RNF150: variants seen among roughly 807,000 people sequenced by gnomAD.
RNF150 encodes the protein ring finger protein 150.
A neutral mutation model predicts 39.3 loss-of-function variants in RNF150; 24 were observed. The observed-to-expected ratio is 0.61, with a 90% CI of 0.44 to 0.86. The LOEUF (loss-of-function observed/expected upper bound fraction) is 0.86, where lower values mean the gene tolerates loss of function less well. Ranked by LOEUF, RNF150 falls within the 40% of genes least tolerant of loss-of-function variation. RNF150 has a pLI of 0.00. For missense variants in RNF150, 502 were observed against 587.8 expected (o/e 0.85, Z 1.51); for synonymous variants, 255 against 227.3 (o/e 1.12, Z -1.10).
intron 1 of RNF150, among the ~76,000 whole-genome samples, chr4:141,185,098 G>C (rs1392475146): frequency 6.6e-6 from 1 of 151,868 alleles, no homozygotes; most frequent in African/African-American, 2.4e-5. Flanking sequence ...GAATAGCATT[G>C]AATCTATAAA....
At chr4:141,097,514 A>G (rs922108612) in intron 1 of RNF150, among the ~76,000 whole-genome samples, 25 of 150,978 alleles carry the variant, frequency 1.7e-4, no homozygotes, top group Admixed American at 1.1e-3. Flanking sequence ...TTTTTTCTTA[A>G]TAATACATCA....
chr4:140,994,469 G>GCA (rs1467257998), intron 1 of RNF150, among the ~76,000 whole-genome samples: 1 of 150,658 alleles, frequency 6.6e-6, no homozygotes. Context: ...GTGTGTGCAC[G>GCA]CACACACACA....
intron 1 of RNF150, among the ~76,000 whole-genome samples, chr4:141,208,166 T>C (rs1286973459): frequency 6.6e-6 from 1 of 152,202 alleles, no homozygotes; most frequent in Non-Finnish European, 1.5e-5. Context: ...AGAAGAATAA[T>C]GGCTTCTTCC....
chr4:140,935,895 T>G (rs1034335076), intron 4 of RNF150, among the ~76,000 whole-genome samples: 1 of 152,200 alleles, frequency 6.6e-6, no homozygotes, highest in African/African-American at 2.4e-5. Context: ...GATGAAGATA[T>G]ACACCATCCT....
At chr4:141,192,900 T>A (rs1460108245) in intron 1 of RNF150, among the ~76,000 whole-genome samples, 4 of 150,594 alleles carry the variant, frequency 2.7e-5, no homozygotes, top group Non-Finnish European at 5.9e-5. Flanking sequence ...CACATGCCAC[T>A]TTTTTCTGGC....
upstream of RNF150, among the ~76,000 whole-genome samples, chr4:141,133,865 T>G (rs1220032378): frequency 6.6e-6 from 1 of 152,122 alleles, no homozygotes; most frequent in East Asian, 1.9e-4. Context: ...TATCAAATCT[T>G]TAGTTTTAAA....
chr4:141,180,055 A>G (rs1727879119), intron 1 of RNF150, among the ~76,000 whole-genome samples: 1 of 152,170 alleles, frequency 6.6e-6, no homozygotes, highest in African/African-American at 2.4e-5. Context: ...ATTCTTCTCC[A>G]AATAACAGAC....
intron 1 of RNF150, among the ~76,000 whole-genome samples, chr4:141,089,871 T>C (rs1398817512): frequency 6.6e-6 from 1 of 152,242 alleles, no homozygotes; most frequent in Non-Finnish European, 1.5e-5. Flanking sequence ...CATAGAGTTC[T>C]GCTCTCAGGC....
intron 1 of RNF150, among the ~76,000 whole-genome samples, chr4:141,125,611 T>TGGTTAAGCAACAATAAC (rs1440885574): frequency 2.1e-4 from 32 of 152,312 alleles, no homozygotes; most frequent in Middle Eastern, 3.4e-3. Flanking sequence ...GCAACAATAA[T>TGGTTAAGCAACAATAAC]GGTTAAGCAA....
At chr4:141,175,026 A>G (rs1183165459) in intron 1 of RNF150, among the ~76,000 whole-genome samples, 1 of 152,196 alleles carries the variant, frequency 6.6e-6, no homozygotes, top group Admixed American at 6.5e-5. Flanking sequence ...TTTCTGTTAG[A>G]TGATGGAAGC....
chr4:141,212,703 G>T (rs1728489772), intron 1 of RNF150: 1 of 152,174 alleles, frequency 6.6e-6, no homozygotes. Flanking sequence ...CAGGGCCTCT[G>T]TCTCCAGCTG....
At chr4:140,947,073 T>C (rs934907242) in intron 4 of RNF150, among the ~76,000 whole-genome samples, 1 of 151,982 alleles carries the variant, frequency 6.6e-6, no homozygotes, top group African/African-American at 2.4e-5. Context: ...TATATAAGAA[T>C]CACCTGGGGA....
At chr4:141,149,326 G>T (rs1054681688) in intron 1 of RNF150, among the ~76,000 whole-genome samples, 2 of 151,782 alleles carry the variant, frequency 1.3e-5, no homozygotes, top group African/African-American at 4.8e-5. Context: ...AGATTTTGGT[G>T]CACCCAGCAC....
In RNF150 at chr4:140,868,287, G is replaced by A; in HGVS notation, c.1291C>T (p.Gln431Ter). ...GLSDVELSTD[Q>*]DCEEVKS ...CAAGATTTCACTTCTTCACAGTCCT[G>A]GTCAGTGGAAAGTTCTACATCAGAC... The change falls in exon 7 of 7, where the codon CAG (glutamine) becomes TAG (stop). Residue 431 changes from glutamine to a stop codon, truncating the protein, a stop_gained. Transcript: ENST00000515673. LOFTEE classifies it high-confidence loss of function. 2.5e-6 allele frequency: 4 copies of A among 1,601,930 alleles called. No individual in the cohort carries two copies. The highest frequency in any genetic ancestry group is 2.6e-6 in the Non-Finnish European group (3 of 1,168,968).
At chr4:141,191,793 GC>G (rs1263826300) in intron 1 of RNF150, among the ~76,000 whole-genome samples, 2 of 152,152 alleles carry the variant, frequency 1.3e-5, no homozygotes, top group African/African-American at 4.8e-5. Flanking sequence ...CTGGCTTTGT[GC>G]CCATTGAAGG....
chr4:141,013,596 A>T (rs1735153704), intron 1 of RNF150, among the ~76,000 whole-genome samples: 2 of 151,878 alleles, frequency 1.3e-5, no homozygotes, highest in South Asian at 4.1e-4. Flanking sequence ...CTCTTTCTTC[A>T]CTCCAGTCTC....
At chr4:141,201,149 T>G (rs1441560998) in intron 1 of RNF150, among the ~76,000 whole-genome samples, 1 of 148,734 alleles carries the variant, frequency 6.7e-6, no homozygotes, top group Non-Finnish European at 1.5e-5. Context: ...GAGACATAGG[T>G]GAAGCAGACG....
chr4:140,886,234 G>C (rs893762859), intron 6 of RNF150, among the ~76,000 whole-genome samples: 2 of 148,302 alleles, frequency 1.3e-5, no homozygotes, highest in African/African-American at 5.0e-5. Context: ...CATCTATTTT[G>C]GAAAGTGAAT....
chr4:140,947,577 A>T, intron 4 of RNF150, 77 bp downstream of exon 4: 2 of 951,760 alleles, frequency 2.1e-6, no homozygotes, highest in Non-Finnish European at 3.4e-6. Flanking sequence ...TATGCCCAGC[A>T]GGTCGGGGCC....
Sources: allele counts gnomAD v4.1 joint callset (sites outside exome capture counted in the v4.1 genomes callset), GRCh38; gene constraint gnomAD v4.1.1; transcripts MANE v1.5; gene names NCBI Gene and HGNC (gene_info 2026-07-23, HGNC 2026-07-21).